The following BAG1 variants were observed in gnomAD, a reference collection of about 807,000 sequenced individuals.
BAG1 encodes BAG family molecular chaperone regulator 1.
A neutral mutation model predicts 35.5 loss-of-function variants in BAG1; 35 were observed. The observed-to-expected ratio is 0.99, with a 90% CI of 0.75 to 1.31. BAG1 has a LOEUF of 1.31. BAG1 is among the 50% of genes most tolerant of loss of function. The pLI is 0.00. For synonymous variants in BAG1, 191 were observed against 178.9 expected (o/e 1.07, Z -0.54); for missense variants, 464 against 453.6 (o/e 1.02, Z -0.21).
rs765379810 is a variant in BAG1, at chr9:33,264,367, T to G, written c.308A>C (p.Glu103Ala). The change falls in exon 1 of 7, where the codon GAG becomes GCG. Residue 103 changes from glutamate (E) to alanine (A), a missense_variant. Coordinates refer to ENST00000634734, the MANE Select transcript of BAG1 (RefSeq NM_004323.6). ...GGTCGCCTCCTCACTCTGGGTCGCC[T>G]CTTCACTCCAGGTCGCTTCCTCACT... 4 of 1,610,610 alleles carry G rather than the reference T, an allele frequency of 2.5e-6. No individual in the cohort carries two copies. The highest frequency in any genetic ancestry group is 3.4e-6 in the Non-Finnish European group (4 of 1,178,956).
rs371923631 is a variant in BAG1, at chr9:33,255,328, C to T, written c.949-20G>A. 1.2e-6 allele frequency: 2 copies of T among 1,613,958 alleles called. No homozygotes were observed. Among genetic ancestry groups the T allele is most frequent in the African/African-American group, 1.3e-5 (1 of 74,928 alleles). On this transcript the variant is annotated intron_variant, in intron 6 of 6. Transcript: ENST00000634734. ...GAATGCCTAGAAAATACACACGGGG[C>T]AGTAAGGGCCCATCCAGGGGTAGCC...
At chr9:33,261,375 T>C (rs1820567337) in intron 2 of BAG1, among the ~76,000 whole-genome samples, 1 of 152,220 alleles carries the variant, frequency 6.6e-6, no homozygotes, top group African/African-American at 2.4e-5. Context: ...TACTATACGA[T>C]AATATTCAGT....
rs899933890 is a variant in BAG1 at position 33,256,822 on chromosome 9, G to C, written c.864C>G (p.Ile288Met). 1.2e-6 allele frequency: 2 copies of C among 1,613,992 alleles called. No homozygotes were observed. Among genetic ancestry groups the C allele is most frequent in the Non-Finnish European group, 8.5e-7 (1 of 1,179,886 alleles). ...TTACCAGTGTGTCAATCTCCTCCAA[G>C]ATCTTCATAAACTGCTCTATTGTGG... is the stretch of plus-strand genomic sequence containing the variant. The change falls in exon 5 of 7, where the codon ATC becomes ATG. Residue 288 changes from isoleucine to methionine, a missense_variant. Transcript: ENST00000634734.
chr9:33,260,599 T>C (rs1820548472), intron 3 of BAG1: 1 of 152,554 alleles, frequency 6.6e-6, no homozygotes, highest in Admixed American at 6.5e-5. Flanking sequence ...ACCTCATCTG[T>C]CTTTTTTTCC....
In BAG1 at chr9:33,255,209, C is replaced by T; in HGVS notation, c.*10G>A. 6.2e-7 allele frequency: 1 copy of T among 1,614,232 alleles called. No homozygotes were observed. On this transcript the variant is annotated 3_prime_UTR_variant, in exon 7 of 7. Transcript: ENST00000634734. ...TTCTTCAGGGCAGCACAGCCTTTTT[C>T]TGCTACACCTCACTCGGCCAGGGCA... is the stretch of plus-strand genomic sequence containing the variant.
At chr9:33,261,860 T>A (rs1820578348) in intron 2 of BAG1, 1 of 983,988 alleles carries the variant, frequency 1.0e-6, no homozygotes, top group Admixed American at 6.2e-5. Context: ...GAAATGAGCA[T>A]CATGCATCCA....
At chr9:33,259,943 A>G (rs1820534639) in intron 3 of BAG1, 1 of 152,284 alleles carries the variant, frequency 6.6e-6, no homozygotes, top group African/African-American at 2.4e-5. Context: ...GGCTTAATGT[A>G]GTAAAGTAAC....
intron 1 of BAG1, among the ~76,000 whole-genome samples, chr9:33,263,373 A>C (rs1182362318): frequency 6.6e-6 from 1 of 152,230 alleles, no homozygotes. Flanking sequence ...ACTTGAGTGC[A>C]TCCATGATTT....
intron 3 of BAG1, chr9:33,259,361 CA>C (rs796698504): frequency 4.9e-3 from 662 of 133,980 alleles, no homozygotes; most frequent in South Asian, 8.5e-3. Context: ...GAGACTGTCT[CA>C]AAAAAAAAAA....
chr9:33,255,830 T>C, intron 6 of BAG1, 35 bp downstream of exon 6: 3 of 1,584,688 alleles, frequency 1.9e-6, no homozygotes, highest in Non-Finnish European at 2.6e-6. Context: ...CACATTAACA[T>C]ATTACACCTT....
At position 33,264,659 on chromosome 9, in the gene BAG1, C is replaced by G. The variant is rs1177394395; in HGVS notation, c.16G>C (p.Gly6Arg). 3 of 1,347,592 alleles carry G rather than the reference C, an allele frequency of 2.2e-6. No individual in the cohort carries two copies. Among genetic ancestry groups the G allele is most frequent in the Non-Finnish European group, 2.8e-6 (3 of 1,058,362 alleles). 83.5% of individuals were successfully genotyped at this position (1,347,592 alleles called of 1,614,324 possible). The change falls in exon 1 of 7, where the codon GGG becomes CGG. Residue 6 changes from glycine (G) to arginine (R), a missense_variant. Transcript: ENST00000634734. ...CGGTCGCCTCGCGGTCTCCGCGCCCCCCCGCGCTGAGCCAGGCCCGCACTT... is the reference window on the plus strand; with the variant it reads ...CGGTCGCCTCGCGGTCTCCGCGCCCGCCCGCGCTGAGCCAGGCCCGCACTT...
rs970845925 is a variant in BAG1 at position 33,253,013 on chromosome 9, A to C, written c.*2206T>G. ...GCCAACAAATGAGGGGGTTGAGATG[A>C]GATGGGAGAAGGCATGGGGTAAAGA... On this transcript the variant is annotated 3_prime_UTR_variant, in exon 7 of 7. Coordinates refer to ENST00000634734, the MANE Select transcript of BAG1 (RefSeq NM_004323.6). The C allele has an allele frequency of 2.6e-5, 4 of 152,226 alleles. No homozygotes were observed. The highest frequency in any genetic ancestry group is 9.7e-5 in the African/African-American group (4 of 41,432). The allele number at this position is 152,226 out of a possible 1,614,324, so 9.4% of individuals were successfully genotyped here.
rs1820372283 is a variant in BAG1, at chr9:33,253,084, G to A, written c.*2135C>T. On this transcript the variant is annotated 3_prime_UTR_variant, in exon 7 of 7. Coordinates refer to ENST00000634734, the MANE Select transcript of BAG1 (RefSeq NM_004323.6). ...GAGCCATTGGAGGGTTCTAAGCAGGGGACTGACATGGCAAGATTTGCACTT... is the reference window on the plus strand; with the variant it reads ...GAGCCATTGGAGGGTTCTAAGCAGGAGACTGACATGGCAAGATTTGCACTT... 6.6e-6 allele frequency: 1 copy of A among 152,114 alleles called. No individual in the cohort carries two copies. The highest frequency in any genetic ancestry group is 2.4e-5 in the African/African-American group (1 of 41,400). 9.4% of individuals were successfully genotyped at this position (152,114 alleles called of 1,614,324 possible).
At chr9:33,261,503 C>T (rs1820570431) in intron 2 of BAG1, among the ~76,000 whole-genome samples, 1 of 152,046 alleles carries the variant, frequency 6.6e-6, no homozygotes, top group South Asian at 2.1e-4. Flanking sequence ...TCTACAGTAG[C>T]CATTAAAGCT....
intron 1 of BAG1, among the ~76,000 whole-genome samples, chr9:33,263,181 G>A (rs539011703): frequency 3.3e-5 from 5 of 152,366 alleles, no homozygotes; most frequent in African/African-American, 9.6e-5. Context: ...TGCCTATGGA[G>A]ACTCAACTGT....
chr9:33,257,672 A>T (rs995612969), intron 4 of BAG1: 1 of 152,258 alleles, frequency 6.6e-6, no homozygotes, highest in Admixed American at 6.5e-5. Context: ...ACAGTCAAAG[A>T]AGCATTACAC....
intron 1 of BAG1, among the ~76,000 whole-genome samples, chr9:33,263,116 C>T (rs1168445558): frequency 6.6e-6 from 1 of 152,218 alleles, no homozygotes; most frequent in Non-Finnish European, 1.5e-5. Context: ...GTAGATCTAC[C>T]TATTACTTCT....
In BAG1 at chr9:33,255,041, G is replaced by C; in HGVS notation, c.*178C>G. 1 of 1,543,372 alleles carries C rather than the reference G, an allele frequency of 6.5e-7. No homozygotes were observed. Among genetic ancestry groups the C allele is most frequent in the South Asian group, 1.2e-5 (1 of 83,930 alleles). On this transcript the variant is annotated 3_prime_UTR_variant, in exon 7 of 7. Coordinates refer to ENST00000634734, the MANE Select transcript of BAG1 (RefSeq NM_004323.6). ...AGACAGAAGGAGAAAACAGATAGGAGCTTTACTCAAAATCACAAAGACACT... is the reference window on the plus strand; with the variant it reads ...AGACAGAAGGAGAAAACAGATAGGACCTTTACTCAAAATCACAAAGACACT...
rs140773878 is a variant in BAG1 at position 33,263,941 on chromosome 9, G to T, written c.451+283C>A. Among the ~76,000 whole-genome samples, 20 of 152,264 alleles carry T rather than the reference G, an allele frequency of 1.3e-4. No individual in the cohort carries two copies. In the East Asian group the frequency reaches 3.5e-3, roughly 26 times the overall value. ...CTGACACAAAGGGCACAATAACTGC[G>T]CGGGCACACAAACACAACCAGGCCC... is the stretch of plus-strand genomic sequence containing the variant. On this transcript the variant is annotated intron_variant, in intron 1 of 6. Coordinates refer to ENST00000634734, the MANE Select transcript of BAG1 (RefSeq NM_004323.6).
Sources: gnomAD v4.1 joint callset for allele counts (sites outside exome capture counted in the v4.1 genomes callset) on GRCh38, gnomAD v4.1.1 for gene constraint, MANE v1.5 for transcripts, NCBI Gene and HGNC (gene_info 2026-07-23, HGNC 2026-07-21) for gene names.